The following KIAA1958 variants were observed in gnomAD, a reference collection of about 807,000 sequenced individuals.
KIAA1958 encodes the protein uncharacterized protein KIAA1958.
KIAA1958 carries 14 observed loss-of-function variants against 47.2 expected under a neutral mutation model. The observed-to-expected ratio is 0.30, with a 90% CI of 0.20 to 0.46. The LOEUF (loss-of-function observed/expected upper bound fraction) is 0.46. KIAA1958 is among the 20% of genes least tolerant of loss of function. The pLI is 1.00. For synonymous variants in KIAA1958, 354 were observed against 353.3 expected (o/e 1.00, Z -0.02); for missense variants, 803 against 909.2 (o/e 0.88, Z 1.50).
intron 2 of KIAA1958, among the ~76,000 whole-genome samples, chr9:112,583,552 A>G (rs1328270001): frequency 6.6e-6 from 1 of 152,230 alleles, no homozygotes; most frequent in African/African-American, 2.4e-5. Flanking sequence ...TGATAACAGG[A>G]GAAAAAAATC....
chr9:112,566,199 AG>A (rs1455667353), intron 1 of KIAA1958, among the ~76,000 whole-genome samples: 1 of 152,100 alleles, frequency 6.6e-6, no homozygotes, highest in East Asian at 1.9e-4. Context: ...CACCGTGCCT[AG>A]CCTATCTTTT....
At chr9:112,512,799 A>C (rs1834344400) in intron 1 of KIAA1958, among the ~76,000 whole-genome samples, 2 of 151,742 alleles carry the variant, frequency 1.3e-5, no homozygotes, top group South Asian at 4.2e-4. Context: ...TGAGGTGCAG[A>C]GGAAGACACC....
At chr9:112,607,734 T>C (rs527891128) in intron 2 of KIAA1958, among the ~76,000 whole-genome samples, 2 of 134,612 alleles carry the variant, frequency 1.5e-5, no homozygotes, top group African/African-American at 2.9e-5. Context: ...AAGATAATCA[T>C]TTAGATATCC....
chr9:112,565,688 CT>C (rs772711997), intron 1 of KIAA1958, among the ~76,000 whole-genome samples: 1 of 152,096 alleles, frequency 6.6e-6, no homozygotes, highest in African/African-American at 2.4e-5. Flanking sequence ...GATAACTATT[CT>C]TTTGACTCAA....
rs141016450 is a variant in KIAA1958 at position 112,541,601 on chromosome 9, C to T, written c.-24-32456C>T. 4.1e-4 allele frequency among the ~76,000 whole-genome samples: 62 copies of T among 152,100 alleles called. 1 individual carries two copies. The East Asian group carries it at 0.011, about 28-fold the overall frequency. ...GGCAGATCACCAGAGGTCAGGAGTT[C>T]GAGACCAGCCCGTCCAACATGGTGA... On this transcript the variant is annotated intron_variant, in intron 1 of 3. Coordinates refer to ENST00000337530, the MANE Select transcript of KIAA1958 (RefSeq NM_133465.4).
intron 3 of KIAA1958, among the ~76,000 whole-genome samples, chr9:112,647,914 G>C (rs1009925702): frequency 2.0e-5 from 3 of 152,166 alleles, no homozygotes; most frequent in African/African-American, 7.2e-5. Flanking sequence ...GAGGATACAA[G>C]TTCACTAGAA....
intron 1 of KIAA1958, among the ~76,000 whole-genome samples, chr9:112,511,264 C>G (rs1459739114): frequency 1.3e-5 from 2 of 152,184 alleles, no homozygotes; most frequent in South Asian, 2.1e-4. Context: ...CCATCCCAGA[C>G]AGACATACTG....
rs1837253840 is a variant in KIAA1958, at chr9:112,660,240, A to G, written c.*171A>G. 3 of 604,394 alleles carry G rather than the reference A, an allele frequency of 5.0e-6. No individual in the cohort carries two copies. Among genetic ancestry groups the G allele is most frequent in the Non-Finnish European group, 8.8e-6 (3 of 340,592 alleles). The allele number at this position is 604,394 out of a possible 1,614,324, so 37.4% of individuals were successfully genotyped here. ...ACTTGGGGTTTGCTTTTTAAAATGA[A>G]ACTAGATGAGTCTAAATCATTCGGA... On this transcript the variant is annotated 3_prime_UTR_variant, in exon 4 of 4. Coordinates refer to ENST00000337530, the MANE Select transcript of KIAA1958 (RefSeq NM_133465.4).
chr9:112,544,617 C>CAG, intron 1 of KIAA1958, among the ~76,000 whole-genome samples: 1 of 152,306 alleles, frequency 6.6e-6, no homozygotes, highest in South Asian at 2.1e-4. Context: ...CATTAAAAGT[C>CAG]AGAGCTCTGT....
intron 2 of KIAA1958, among the ~76,000 whole-genome samples, chr9:112,605,907 CT>C (rs1692407759): frequency 1.3e-5 from 2 of 152,186 alleles, no homozygotes. Flanking sequence ...CATTATTTTT[CT>C]TCATAGCACT....
intron 1 of KIAA1958, among the ~76,000 whole-genome samples, chr9:112,504,010 GC>G: frequency 6.6e-6 from 1 of 151,800 alleles, no homozygotes; most frequent in South Asian, 2.1e-4. Flanking sequence ...GAAGTATTTT[GC>G]ATATTTCTGT....
At chr9:112,573,027 G>T (rs1835566254) in intron 1 of KIAA1958, among the ~76,000 whole-genome samples, 1 of 152,072 alleles carries the variant, frequency 6.6e-6, no homozygotes, top group African/African-American at 2.4e-5. Context: ...AAAGATTCCT[G>T]TGCCTCCCTG....
Position 112,566,363 on chromosome 9 carries a change from G to A in KIAA1958, c.-24-7694G>A, listed in dbSNP as rs116780042. Among the ~76,000 whole-genome samples, 864 of 152,196 alleles carry A rather than the reference G, an allele frequency of 5.7e-3. 12 individuals carry two copies. Among genetic ancestry groups the A allele is most frequent in the African/African-American group, 0.019 (800 of 41,526 alleles). On this transcript the variant is annotated intron_variant, in intron 1 of 3. Transcript: ENST00000337530. ...AAAGGTACTATTTTACTATTGTATA[G>A]TAGCTTCTACCTGGTTAATAGGTTC...
chr9:112,635,184 A>C (rs1836781745), intron 2 of KIAA1958, among the ~76,000 whole-genome samples: 1 of 149,150 alleles, frequency 6.7e-6, no homozygotes, highest in African/African-American at 2.5e-5. Flanking sequence ...ACCCATCTGA[A>C]CCTGAAGTTT....
At position 112,545,825 on chromosome 9, in the gene KIAA1958, G is replaced by GTTTT. The variant is rs768489084; in HGVS notation, c.-24-28214_-24-28211dup. 5.1e-3 allele frequency among the ~76,000 whole-genome samples: 471 copies of GTTTT among 93,052 alleles called. 1 individual carries two copies. The highest frequency in any genetic ancestry group is 8.8e-3 in the Middle Eastern group (1 of 114). 61.0% of individuals were successfully genotyped at this position (93,052 alleles called of 152,430 possible). ...TCTTTAGTGATACACAGGTTTCTTT[G>GTTTT]TTTTTTTTTTTTTTTTTTTTTAGTG... On this transcript the variant is annotated intron_variant, in intron 1 of 3. Transcript: ENST00000337530.
rs1481424920 is a variant in KIAA1958 at position 112,667,441 on chromosome 9, TAGCACATGCCTGTAATTCC to T, written c.*7376_*7394del. The T allele has an allele frequency of 3.3e-5, 5 of 152,160 alleles. No individual in the cohort carries two copies. The highest frequency in any genetic ancestry group is 1.5e-5 in the Non-Finnish European group (1 of 68,068). 9.4% of individuals were successfully genotyped at this position (152,160 alleles called of 1,614,324 possible). ...AAATACAAATATTAGCCGGGCATGG[TAGCACATGCCTGTAATTCC>T]AGCTACTCGGGAGGCTGAGGCGGGA... On this transcript the variant is annotated 3_prime_UTR_variant, in exon 4 of 4. Transcript: ENST00000337530.
intron 3 of KIAA1958, among the ~76,000 whole-genome samples, chr9:112,653,103 G>A (rs1247612773): frequency 6.6e-6 from 1 of 152,160 alleles, no homozygotes; most frequent in African/African-American, 2.4e-5. Context: ...TAAATTAAGT[G>A]CAATGGGATC....
At chr9:112,555,322 C>T (rs891859412) in intron 1 of KIAA1958, among the ~76,000 whole-genome samples, 1 of 152,126 alleles carries the variant, frequency 6.6e-6, no homozygotes, top group Non-Finnish European at 1.5e-5. Context: ...CATGGACATT[C>T]CTGAGATCCC....
At chr9:112,572,435 C>T (rs1382151834) in intron 1 of KIAA1958, among the ~76,000 whole-genome samples, 1 of 152,104 alleles carries the variant, frequency 6.6e-6, no homozygotes, top group African/African-American at 2.4e-5. Context: ...AGTAGGTCCT[C>T]ACTGATGAGT....
Sources: gnomAD v4.1 joint callset for allele counts (sites outside exome capture counted in the v4.1 genomes callset) on GRCh38, gnomAD v4.1.1 for gene constraint, MANE v1.5 for transcripts, NCBI Gene and HGNC (gene_info 2026-07-23, HGNC 2026-07-21) for gene names.